The following FBXO34 variants were observed in gnomAD, a reference collection of about 807,000 sequenced individuals.
The protein encoded by FBXO34 is F-box protein 34.
Under a neutral mutation model 24.5 loss-of-function variants are expected in FBXO34, and 12 were observed. The ratio of observed to expected loss-of-function variants is 0.49; its 90% CI spans 0.31 to 0.79. The LOEUF is 0.79. FBXO34 is among the 30% of genes least tolerant of loss of function. The pLI, the probability that FBXO34 is intolerant of heterozygous loss-of-function variation, is 0.04. For missense variants in FBXO34, 823 were observed against 857.7 expected (o/e 0.96, Z 0.51); for synonymous variants, 320 against 311.9 (o/e 1.03, Z -0.27).
At chr14:55,294,306 T>TA (rs1283468618) in intron 1 of FBXO34, among the ~76,000 whole-genome samples, 3 of 151,904 alleles carry the variant, frequency 2.0e-5, no homozygotes, top group South Asian at 2.1e-4. Context: ...TTATTATTAT[T>TA]TTTTTTGAGA....
At chr14:55,354,119 G>A (rs959416595), downstream of FBXO34, among the ~76,000 whole-genome samples, 27 of 152,204 alleles carry the variant, frequency 1.8e-4, no homozygotes, top group Non-Finnish European at 3.2e-4. Context: ...GACATGGTAG[G>A]CTGCAGCCTC....
intron 1 of FBXO34, among the ~76,000 whole-genome samples, chr14:55,348,595 C>G (rs543830055): frequency 6.6e-6 from 1 of 152,028 alleles, no homozygotes; most frequent in Non-Finnish European, 1.5e-5. Context: ...TCCCAAACTC[C>G]TGGCCTCAAA....
chr14:55,411,077 G>T, the FBXO34 span, among the ~76,000 whole-genome samples: 1 of 152,092 alleles, frequency 6.6e-6, no homozygotes, highest in Admixed American at 6.5e-5. Flanking sequence ...GAGGGGAAAG[G>T]GGCGTTAACA....
At chr14:55,345,578 C>T (rs1566565150) in intron 1 of FBXO34, among the ~76,000 whole-genome samples, 1 of 152,174 alleles carries the variant, frequency 6.6e-6, no homozygotes, top group African/African-American at 2.4e-5. Flanking sequence ...TCTCACAGCA[C>T]CCTGTGCTAT....
chr14:55,431,563 C>CA, the FBXO34 span, among the ~76,000 whole-genome samples: 1 of 152,152 alleles, frequency 6.6e-6, no homozygotes, highest in South Asian at 2.1e-4. Flanking sequence ...AACATTATTA[C>CA]AGACATCTTG....
At chr14:55,436,016 T>A in the FBXO34 span, 1 of 884,706 alleles carries the variant, frequency 1.1e-6, no homozygotes, top group Non-Finnish European at 1.7e-6. Context: ...TCTCATTTCT[T>A]AGGTTATACC....
chr14:55,290,421 T>C (rs2880104), intron 1 of FBXO34, among the ~76,000 whole-genome samples: 2 of 151,704 alleles, frequency 1.3e-5, no homozygotes, highest in Admixed American at 1.3e-4. Flanking sequence ...ATAAATAAAT[T>C]AATTAATTAA....
chr14:55,426,201 G>C, the FBXO34 span, among the ~76,000 whole-genome samples: 2 of 151,664 alleles, frequency 1.3e-5, no homozygotes, highest in East Asian at 3.9e-4. Context: ...CTGGGGGGTG[G>C]AGGTTGCAGT....
chr14:55,440,676 G>A, the FBXO34 span: 1 of 1,065,212 alleles, frequency 9.4e-7, no homozygotes. Context: ...GCGCTGGGAA[G>A]CGGAGATGGG....
chr14:55,377,936 T>C, the FBXO34 span: 6 of 1,592,852 alleles, frequency 3.8e-6, no homozygotes, highest in South Asian at 6.8e-5. Flanking sequence ...GTTAATATTT[T>C]CAACTATTTA....
At chr14:55,312,493 G>C (rs1472727546) in intron 1 of FBXO34, among the ~76,000 whole-genome samples, 1 of 152,176 alleles carries the variant, frequency 6.6e-6, no homozygotes, top group Non-Finnish European at 1.5e-5. Flanking sequence ...CTCTGTGTGG[G>C]GGCTTCAACC....
intron 1 of FBXO34, among the ~76,000 whole-genome samples, chr14:55,274,573 A>T (rs1226145325): frequency 6.6e-6 from 1 of 152,232 alleles, no homozygotes; most frequent in Non-Finnish European, 1.5e-5. Context: ...GTCATTCGTT[A>T]TCCATCTTTC....
At chr14:55,402,329 AT>A in the FBXO34 span, among the ~76,000 whole-genome samples, 2 of 152,198 alleles carry the variant, frequency 1.3e-5, no homozygotes, top group Non-Finnish European at 2.9e-5. Flanking sequence ...CTACTAATGT[AT>A]TTTAAGAAAG....
At chr14:55,313,975 T>G (rs1882840837) in intron 1 of FBXO34, among the ~76,000 whole-genome samples, 1 of 152,166 alleles carries the variant, frequency 6.6e-6, no homozygotes, top group Non-Finnish European at 1.5e-5. Context: ...TGATCACAAC[T>G]TACTGCAGCC....
chr14:55,430,750 C>T, the FBXO34 span, among the ~76,000 whole-genome samples: 5 of 152,192 alleles, frequency 3.3e-5, no homozygotes, highest in Non-Finnish European at 7.3e-5. Flanking sequence ...ACAGCACTGC[C>T]CTTGGCTCTC....
chr14:55,366,868 A>G (rs973317955), downstream of FBXO34: 1 of 152,628 alleles, frequency 6.6e-6, no homozygotes, highest in Non-Finnish European at 1.5e-5. Context: ...TGAGCAGCAA[A>G]AAGAGTAGAA....
chr14:55,362,887 T>G (rs1884611459), downstream of FBXO34, among the ~76,000 whole-genome samples: 1 of 152,136 alleles, frequency 6.6e-6, no homozygotes. Flanking sequence ...GGAAAGTTCT[T>G]TCCTCAAAAT....
intron 1 of FBXO34, among the ~76,000 whole-genome samples, chr14:55,285,724 T>C (rs1046213730): frequency 6.6e-6 from 1 of 152,260 alleles, no homozygotes; most frequent in African/African-American, 2.4e-5. Flanking sequence ...TCAAGTTTTA[T>C]TTCATTAAAG....
chr14:55,382,619 A>T, the FBXO34 span, among the ~76,000 whole-genome samples: 12 of 152,334 alleles, frequency 7.9e-5, no homozygotes, highest in South Asian at 4.1e-4. Context: ...CCAAAGTGCA[A>T]ATATTTCAGT....
Sources: gnomAD v4.1 joint callset for allele counts (sites outside exome capture counted in the v4.1 genomes callset) on GRCh38, gnomAD v4.1.1 for gene constraint, MANE v1.5 for transcripts, NCBI Gene and HGNC (gene_info 2026-07-23, HGNC 2026-07-21) for gene names.